Variants in CFDP1 observed in about 807,000 individuals in gnomAD.
The protein encoded by CFDP1 is chromatin remodeling protein CFDP1.
CFDP1 carries 31 observed loss-of-function variants against 40.1 expected under a neutral mutation model. The ratio of observed to expected loss-of-function variants is 0.77; its 90% CI spans 0.58 to 1.04. CFDP1 has a LOEUF of 1.04. Ranked by LOEUF, CFDP1 falls within the 50% of genes least tolerant of loss-of-function variation. The probability of loss-of-function intolerance (pLI) is 0.00; values close to 1 mark genes in which losing one functional copy is unlikely to be tolerated. For missense variants in CFDP1, 423 were observed against 343.4 expected, an observed-to-expected ratio of 1.23 and a Z score of -1.83; for synonymous variants, 167 against 120.0, an observed-to-expected ratio of 1.39 and a Z score of -2.56.
rs71380726 is a variant in CFDP1 at position 75,379,090 on chromosome 16, A to AGC, written c.650+15999_650+16000insGC. 2.6e-5 allele frequency among the ~76,000 whole-genome samples: 4 copies of AGC among 151,326 alleles called. No homozygotes were observed. The East Asian group carries it at 7.8e-4, about 29-fold the overall frequency. ...AAAAATTGTTGAATATAGCTAAAGC[A>AGC]GTGTGAGGGAAATGTGTAGTAAGAA... On this transcript the variant is annotated intron_variant, in intron 5 of 6. Transcript: ENST00000283882.
intron 5 of CFDP1, among the ~76,000 whole-genome samples, chr16:75,365,420 G>C (rs1404664445): frequency 6.6e-6 from 1 of 152,222 alleles, no homozygotes; most frequent in Non-Finnish European, 1.5e-5. Context: ...GAAGGGGACT[G>C]ACTGTGTGAG....
intron 2 of CFDP1, among the ~76,000 whole-genome samples, chr16:75,413,215 A>G (rs2079177359): frequency 6.6e-6 from 1 of 152,230 alleles, no homozygotes; most frequent in Non-Finnish European, 1.5e-5. Context: ...TCTCAAGGAA[A>G]AAGAAAAAAA....
chr16:75,304,876 G>T, intron 6 of CFDP1, 148 bp downstream of exon 6: 1 of 852,282 alleles, frequency 1.2e-6, no homozygotes, highest in Non-Finnish European at 1.8e-6. Flanking sequence ...CACTGGAACA[G>T]AGACTTACTG....
chr16:75,301,201 G>A (rs941517409), intron 6 of CFDP1, among the ~76,000 whole-genome samples: 2 of 152,040 alleles, frequency 1.3e-5, no homozygotes, highest in African/African-American at 2.4e-5. Flanking sequence ...AATCACGAGA[G>A]GTATATTAAA....
chr16:75,319,459 G>T (rs1039108816), intron 5 of CFDP1, among the ~76,000 whole-genome samples: 1 of 152,132 alleles, frequency 6.6e-6, no homozygotes, highest in African/African-American at 2.4e-5. Flanking sequence ...GGGGGGGAAC[G>T]TGCTTTATGG....
intron 5 of CFDP1, among the ~76,000 whole-genome samples, chr16:75,328,231 G>T (rs1341437520): frequency 2.0e-5 from 3 of 146,894 alleles, no homozygotes; most frequent in Non-Finnish European, 4.5e-5. Context: ...CAATCCTCCT[G>T]CCTTGACCTC....
chr16:75,420,851 A>T (rs1032619202), intron 1 of CFDP1, among the ~76,000 whole-genome samples: 16 of 152,208 alleles, frequency 1.1e-4, no homozygotes, highest in Admixed American at 9.8e-4. Context: ...TATTTTTTTT[A>T]TTTTTAAGTG....
chr16:75,347,353 A>AG (rs1676025876), intron 5 of CFDP1, among the ~76,000 whole-genome samples: 1 of 83,768 alleles, frequency 1.2e-5, no homozygotes, highest in Admixed American at 9.5e-5. Flanking sequence ...CAAAAAAAAA[A>AG]AAAAAAAAAA....
chr16:75,348,069 G>A (rs1567652975), intron 5 of CFDP1, among the ~76,000 whole-genome samples: 1 of 152,184 alleles, frequency 6.6e-6, no homozygotes, highest in Non-Finnish European at 1.5e-5. Flanking sequence ...TGGGAAAACT[G>A]TCAAAATCTG....
At chr16:75,380,547 A>G (rs959983533) in intron 5 of CFDP1, among the ~76,000 whole-genome samples, 1 of 152,070 alleles carries the variant, frequency 6.6e-6, no homozygotes. Flanking sequence ...CAATGAAAGG[A>G]AAGAGTTAGG....
intron 3 of CFDP1, 70 bp downstream of exon 3, chr16:75,412,464 CG>C: frequency 8.3e-7 from 1 of 1,205,216 alleles, no homozygotes; most frequent in Non-Finnish European, 1.2e-6. Context: ...GGTCGATTTC[CG>C]TAGGCTTCAA....
chr16:75,431,260 T>C (rs1597415222), intron 1 of CFDP1, among the ~76,000 whole-genome samples: 1 of 151,734 alleles, frequency 6.6e-6, no homozygotes. Flanking sequence ...GAAACAAGCC[T>C]GGCCAACATG....
intron 5 of CFDP1, among the ~76,000 whole-genome samples, chr16:75,361,656 T>C (rs2078679989): frequency 6.6e-6 from 1 of 151,790 alleles, no homozygotes; most frequent in South Asian, 2.1e-4. Context: ...CAAATCAACT[T>C]AGGAAGGGAT....
chr16:75,379,318 C>T (rs1209564605), intron 5 of CFDP1, among the ~76,000 whole-genome samples: 1 of 146,910 alleles, frequency 6.8e-6, no homozygotes, highest in Middle Eastern at 3.5e-3. Context: ...AATCGACAAA[C>T]GTCTAGCAAG....
rs1176706536 is a variant in CFDP1 at position 75,349,599 on chromosome 16, T to C, written c.651-44417A>G. 4.4e-5 allele frequency among the ~76,000 whole-genome samples: 6 copies of C among 135,916 alleles called. No homozygotes were observed. The South Asian group carries it at 1.2e-3, about 27-fold the overall frequency. The allele number at this position is 135,916 out of a possible 152,430, so 89.2% of individuals were successfully genotyped here. ...ACCCCAGGTTGAGAATGCAGTGAGC[T>C]GTGTTTGTGCTGCTGTACCCCAGCC... On this transcript the variant is annotated intron_variant, in intron 5 of 6. Coordinates refer to ENST00000283882, the MANE Select transcript of CFDP1 (RefSeq NM_006324.3).
Position 75,391,977 on chromosome 16 carries a change from A to AT in CFDP1, c.650+3112_650+3113insA, listed in dbSNP as rs1403272798. Among the ~76,000 whole-genome samples the AT allele has an allele frequency of 7.3e-3, 1,112 of 151,972 alleles. 9 individuals are homozygous for AT. Among genetic ancestry groups the AT allele is most frequent in the African/African-American group, 0.025 (1,036 of 41,338 alleles). On this transcript the variant is annotated intron_variant, in intron 5 of 6. Transcript: ENST00000283882. ...AGCAAGACTCCGTCTCAAAAAAATA[A>AT]AAAATAAATAAATAAATAAATAAAG...
intron 5 of CFDP1, among the ~76,000 whole-genome samples, chr16:75,307,526 C>T (rs2078267030): frequency 6.6e-6 from 1 of 152,048 alleles, no homozygotes; most frequent in South Asian, 2.1e-4. Context: ...CCCACTGACC[C>T]CTTTTTAAAA....
intron 6 of CFDP1, among the ~76,000 whole-genome samples, chr16:75,304,060 TTCTCTC>T (rs3043650): frequency 3.3e-5 from 5 of 151,088 alleles, no homozygotes; most frequent in South Asian, 2.1e-4. Flanking sequence ...TTCTTTTCCT[TTCTCTC>T]TCTCTCTCTC....
chr16:75,340,080 G>A lies in CFDP1; in HGVS notation c.651-34898C>T, dbSNP rs544752309. ...CTAGTTACTGAAATAGTAATTTTAA[G>A]TTAATAAGCAAGCATTTGAGTTTTG... On this transcript the variant is annotated intron_variant, in intron 5 of 6. Coordinates refer to ENST00000283882, the MANE Select transcript of CFDP1 (RefSeq NM_006324.3). Among the ~76,000 whole-genome samples, 14 of 152,280 alleles carry A rather than the reference G, an allele frequency of 9.2e-5. No homozygotes were observed. In the South Asian group the frequency reaches 1.0e-3, roughly 11 times the overall value.
Sources: gnomAD v4.1 joint callset for allele counts (sites outside exome capture counted in the v4.1 genomes callset) on GRCh38, gnomAD v4.1.1 for gene constraint, MANE v1.5 for transcripts, NCBI Gene and HGNC (gene_info 2026-07-23, HGNC 2026-07-21) for gene names.